Variants in CFAP299 observed in about 807,000 individuals in gnomAD.
The protein encoded by CFAP299 is cilia- and flagella-associated protein 299.
In CFAP299, 21 loss-of-function variants were observed where a neutral mutation model predicts 27.0. That is an observed-to-expected ratio of 0.78 (90% CI 0.55 to 1.12). The LOEUF is 1.12. Among genes scored for constraint, CFAP299 ranks in the 50% most tolerant of loss-of-function variants. The pLI is 0.00. For missense variants in CFAP299, 310 were observed against 276.6 expected (o/e 1.12, Z -0.86); for synonymous variants, 104 against 98.1 (o/e 1.06, Z -0.36).
chr4:80,463,228 T>C (rs1490012441), intron 2 of CFAP299, among the ~76,000 whole-genome samples: 12 of 152,062 alleles, frequency 7.9e-5, no homozygotes, highest in Admixed American at 7.9e-4. Flanking sequence ...AACATCAGCC[T>C]AAACACTCAA....
chr4:80,626,375 GC>G (rs1444474387), intron 3 of CFAP299, among the ~76,000 whole-genome samples: 2 of 151,804 alleles, frequency 1.3e-5, no homozygotes, highest in Non-Finnish European at 2.9e-5. Flanking sequence ...ACCAGATACA[GC>G]AAAAGCAGTT....
At chr4:80,857,040 G>T (rs991902021) in intron 3 of CFAP299, among the ~76,000 whole-genome samples, 1 of 152,056 alleles carries the variant, frequency 6.6e-6, no homozygotes, top group Non-Finnish European at 1.5e-5. Flanking sequence ...CCATGAGCAT[G>T]GAATGTTCTT....
chr4:80,782,554 T>A, intron 3 of CFAP299, among the ~76,000 whole-genome samples: 1 of 144,916 alleles, frequency 6.9e-6, no homozygotes, highest in Non-Finnish European at 1.5e-5. Context: ...ATATAACATA[T>A]TGATATATAA....
the CFAP299 span, among the ~76,000 whole-genome samples, chr4:80,328,995 G>T: frequency 1.5e-4 from 23 of 152,054 alleles, no homozygotes; most frequent in Non-Finnish European, 2.5e-4. Context: ...CGCAGCCCGT[G>T]TGCCATGTGC....
At chr4:80,822,008 A>G (rs530184966) in intron 3 of CFAP299, among the ~76,000 whole-genome samples, 11 of 152,264 alleles carry the variant, frequency 7.2e-5, no homozygotes, top group African/African-American at 2.6e-4. Flanking sequence ...TGACGATGGT[A>G]GCAATGTGTG....
At chr4:80,592,426 C>T (rs1736834952) in intron 3 of CFAP299, among the ~76,000 whole-genome samples, 1 of 152,086 alleles carries the variant, frequency 6.6e-6, no homozygotes, top group African/African-American at 2.4e-5. Flanking sequence ...TTAACAAGTA[C>T]CATGGCTTTC....
chr4:80,359,726 T>C (rs183808657), intron 1 of CFAP299, among the ~76,000 whole-genome samples: 1 of 152,328 alleles, frequency 6.6e-6, no homozygotes, highest in Non-Finnish European at 1.5e-5. Flanking sequence ...CCTGCATTGT[T>C]TTATCATGAT....
chr4:80,455,579 G>A (rs185149706), intron 2 of CFAP299, among the ~76,000 whole-genome samples: 62 of 152,098 alleles, frequency 4.1e-4, no homozygotes, highest in Non-Finnish European at 6.2e-4. Flanking sequence ...AAAGATAGAT[G>A]GAATGAAGAG....
intron 3 of CFAP299, among the ~76,000 whole-genome samples, chr4:80,656,457 T>C (rs1740561520): frequency 6.6e-6 from 1 of 152,122 alleles, no homozygotes; most frequent in Non-Finnish European, 1.5e-5. Flanking sequence ...CTCCCACTTA[T>C]GAGTGAGAAC....
At chr4:80,862,990 A>T (rs1263788217) in intron 3 of CFAP299, among the ~76,000 whole-genome samples, 1 of 152,162 alleles carries the variant, frequency 6.6e-6, no homozygotes, top group African/African-American at 2.4e-5. Flanking sequence ...ATGTTCTGAA[A>T]CAAAAAGAAG....
intron 5 of CFAP299, among the ~76,000 whole-genome samples, chr4:80,955,305 G>A (rs567485090): frequency 6.6e-6 from 1 of 152,226 alleles, no homozygotes; most frequent in South Asian, 2.1e-4. Context: ...TGTGATTAGG[G>A]AAAATTACTT....
At chr4:80,648,471 G>A (rs1437948274) in intron 3 of CFAP299, among the ~76,000 whole-genome samples, 1 of 152,138 alleles carries the variant, frequency 6.6e-6, no homozygotes, top group African/African-American at 2.4e-5. Flanking sequence ...CAGTCCAGCT[G>A]TGTCAGATTA....
chr4:80,899,772 A>G (rs755416242), intron 4 of CFAP299, among the ~76,000 whole-genome samples: 11 of 152,208 alleles, frequency 7.2e-5, no homozygotes, highest in Non-Finnish European at 1.2e-4. Context: ...TGCTTCAGCT[A>G]CATTGGGCAA....
intron 3 of CFAP299, among the ~76,000 whole-genome samples, chr4:80,842,259 C>T (rs531567436): frequency 2.6e-5 from 4 of 152,158 alleles, no homozygotes; most frequent in Admixed American, 6.6e-5. Context: ...GCCAAGTCAT[C>T]TAATAGTTTT....
intron 3 of CFAP299, among the ~76,000 whole-genome samples, chr4:80,854,218 T>C (rs1731694395): frequency 6.6e-6 from 1 of 152,136 alleles, no homozygotes; most frequent in South Asian, 2.1e-4. Flanking sequence ...GGAGTTCAAG[T>C]AAAATTTTTT....
chr4:80,498,520 AC>A (rs2110148191), intron 2 of CFAP299, among the ~76,000 whole-genome samples: 1 of 152,256 alleles, frequency 6.6e-6, no homozygotes, highest in Admixed American at 6.5e-5. Context: ...TTACAGAAAT[AC>A]AAATAAAAAT....
intron 4 of CFAP299, among the ~76,000 whole-genome samples, chr4:80,898,380 G>T (rs575054722): frequency 6.6e-6 from 1 of 152,094 alleles, no homozygotes; most frequent in East Asian, 1.9e-4. Flanking sequence ...AACTCAAGCT[G>T]CTTCTCTCTA....
intron 3 of CFAP299, among the ~76,000 whole-genome samples, chr4:80,687,536 T>C (rs1018873253): frequency 6.6e-6 from 1 of 152,168 alleles, no homozygotes; most frequent in African/African-American, 2.4e-5. Flanking sequence ...GGTTTGAGTC[T>C]TGTATCCAAC....
At chr4:80,447,519 G>T (rs901344307) in intron 2 of CFAP299, among the ~76,000 whole-genome samples, 2 of 151,932 alleles carry the variant, frequency 1.3e-5, no homozygotes, top group Non-Finnish European at 2.9e-5. Context: ...TGCAACCTCC[G>T]CCTCCTGGAT....
Sources: allele counts gnomAD v4.1 joint callset (sites outside exome capture counted in the v4.1 genomes callset), GRCh38; gene constraint gnomAD v4.1.1; transcripts MANE v1.5; gene names NCBI Gene and HGNC (gene_info 2026-07-23, HGNC 2026-07-21).